KCTD16: variants seen among roughly 807,000 people sequenced by gnomAD.
The protein encoded by KCTD16 is potassium channel tetramerization domain containing 16.
In KCTD16, 13 loss-of-function variants were observed where a neutral mutation model predicts 33.2. The ratio of observed to expected loss-of-function variants is 0.39; its 90% CI spans 0.25 to 0.62. KCTD16 has a LOEUF of 0.62. Among genes scored for constraint, KCTD16 ranks in the 20% least tolerant of loss-of-function variants. The pLI is 0.50. For missense variants in KCTD16, 441 were observed against 525.1 expected (o/e 0.84, Z 1.57); for synonymous variants, 197 against 195.3 (o/e 1.01, Z -0.07).
intron 3 of KCTD16, among the ~76,000 whole-genome samples, chr5:144,386,767 A>C (rs2126935211): frequency 6.6e-6 from 1 of 152,328 alleles, no homozygotes; most frequent in East Asian, 1.9e-4. Context: ...TTGGTAAAAC[A>C]AAAAAACAAA....
intron 3 of KCTD16, among the ~76,000 whole-genome samples, chr5:144,402,114 T>A (rs1421331540): frequency 2.6e-5 from 4 of 152,176 alleles, no homozygotes; most frequent in Non-Finnish European, 4.4e-5. Context: ...ATTCTGTCTT[T>A]AGAAGAACAG....
At chr5:144,230,762 T>C (rs566748285) in intron 3 of KCTD16, among the ~76,000 whole-genome samples, 137 of 152,304 alleles carry the variant, frequency 9.0e-4, no homozygotes, top group African/African-American at 3.2e-3. Flanking sequence ...TAGGAAAAAG[T>C]AGAAGAGAAA....
chr5:144,295,520 G>T (rs534643282), intron 3 of KCTD16, among the ~76,000 whole-genome samples: 1 of 152,174 alleles, frequency 6.6e-6, no homozygotes, highest in Non-Finnish European at 1.5e-5. Context: ...ACCTCTCAGA[G>T]CAGTCTGACA....
At chr5:144,413,222 C>T (rs1300820249) in intron 3 of KCTD16, among the ~76,000 whole-genome samples, 2 of 152,076 alleles carry the variant, frequency 1.3e-5, no homozygotes, top group African/African-American at 4.8e-5. Flanking sequence ...GACTGGTGCC[C>T]CTACTAAGAG....
intron 2 of KCTD16, among the ~76,000 whole-genome samples, chr5:144,181,123 C>T (rs1039354828): frequency 6.6e-6 from 1 of 151,606 alleles, no homozygotes; most frequent in Non-Finnish European, 1.5e-5. Flanking sequence ...TTAGTAGAGG[C>T]GGGGTTTCAC....
At chr5:144,417,621 A>G (rs1214832232) in intron 3 of KCTD16, among the ~76,000 whole-genome samples, 2 of 152,186 alleles carry the variant, frequency 1.3e-5, no homozygotes, top group Admixed American at 6.6e-5. Flanking sequence ...GATGAGATAC[A>G]ATTTATTTTT....
chr5:144,399,950 C>CT (rs1752666029), intron 3 of KCTD16, among the ~76,000 whole-genome samples: 1 of 152,084 alleles, frequency 6.6e-6, no homozygotes, highest in Non-Finnish European at 1.5e-5. Flanking sequence ...TCAGAATTTT[C>CT]TTTAAGTTAT....
At chr5:144,397,416 T>C (rs1334323755) in intron 3 of KCTD16, among the ~76,000 whole-genome samples, 5 of 152,186 alleles carry the variant, frequency 3.3e-5, no homozygotes, top group Non-Finnish European at 5.9e-5. Flanking sequence ...CAGCATGATT[T>C]ATAATCCTTT....
intron 3 of KCTD16, among the ~76,000 whole-genome samples, chr5:144,355,139 C>G (rs1471030960): frequency 6.6e-6 from 1 of 152,082 alleles, no homozygotes; most frequent in Non-Finnish European, 1.5e-5. Flanking sequence ...GGAAACAGAC[C>G]TACTACCGCC....
At chr5:144,183,666 T>G (rs1752670082) in intron 2 of KCTD16, among the ~76,000 whole-genome samples, 1 of 152,134 alleles carries the variant, frequency 6.6e-6, no homozygotes, top group Non-Finnish European at 1.5e-5. Flanking sequence ...AACTAGAAAT[T>G]GTATATTGCT....
intron 3 of KCTD16, among the ~76,000 whole-genome samples, chr5:144,244,670 C>G (rs1346925206): frequency 1.3e-5 from 2 of 152,156 alleles, no homozygotes; most frequent in Admixed American, 6.5e-5. Context: ...GGAGAGATCT[C>G]TATTTTTAGA....
chr5:144,465,053 A>G (rs114143530), intron 3 of KCTD16, among the ~76,000 whole-genome samples: 210 of 152,258 alleles, frequency 1.4e-3, no homozygotes, highest in African/African-American at 4.9e-3. Flanking sequence ...GGTAGAGATT[A>G]AGCATTGTAA....
rs868389429 is a variant in KCTD16 at position 144,330,360 on chromosome 5, C to T, written c.832+122814C>T. 2.0e-5 allele frequency among the ~76,000 whole-genome samples: 3 copies of T among 147,812 alleles called. No homozygotes were observed. In the South Asian group the frequency reaches 6.4e-4, roughly 32 times the overall value. On this transcript the variant is annotated intron_variant, in intron 3 of 3. Transcript: ENST00000512467. ...CCTGGGAGGCAGAGGTTGCGGTGAG[C>T]CGAGAACATACCACTGCACTCCAGC...
chr5:144,226,123 T>C (rs1378102822), intron 3 of KCTD16, among the ~76,000 whole-genome samples: 6 of 152,236 alleles, frequency 3.9e-5, no homozygotes, highest in Admixed American at 3.3e-4. Flanking sequence ...GAACTATAGA[T>C]GCCTCTGATT....
In KCTD16 at chr5:144,174,488, T is replaced by C. The variant is rs1275416115; in HGVS notation, c.-327+16T>C. On this transcript the variant is annotated intron_variant, in intron 2 of 3. Coordinates refer to ENST00000512467, the MANE Select transcript of KCTD16 (RefSeq NM_020768.4). ...AAAAACCAATGTAAGTGCCAGTGTT[T>C]GTTTTTACTCTCCCTATATATTAAC... is the stretch of plus-strand genomic sequence containing the variant. 1 of 152,226 alleles carries C rather than the reference T, an allele frequency of 6.6e-6. No homozygotes were observed. Among genetic ancestry groups the C allele is most frequent in the Non-Finnish European group, 1.5e-5 (1 of 68,038 alleles). 9.4% of individuals were successfully genotyped at this position (152,226 alleles called of 1,614,324 possible).
intron 3 of KCTD16, among the ~76,000 whole-genome samples, chr5:144,221,271 T>G (rs1253538900): frequency 6.6e-6 from 1 of 151,782 alleles, no homozygotes; most frequent in Non-Finnish European, 1.5e-5. Context: ...TCTGCTTTAG[T>G]ATTATTATTA....
intron 3 of KCTD16, among the ~76,000 whole-genome samples, chr5:144,235,738 T>C (rs1754233257): frequency 6.6e-6 from 1 of 152,082 alleles, no homozygotes; most frequent in African/African-American, 2.4e-5. Context: ...GTTCTCTATA[T>C]CTTGTCAAAC....
intron 3 of KCTD16, among the ~76,000 whole-genome samples, chr5:144,401,115 G>T (rs1752693274): frequency 6.6e-6 from 1 of 152,168 alleles, no homozygotes; most frequent in African/African-American, 2.4e-5. Context: ...GAGGCAAACT[G>T]CCTTGAACAG....
intron 3 of KCTD16, among the ~76,000 whole-genome samples, chr5:144,230,300 C>T (rs546981882): frequency 1.3e-5 from 2 of 152,226 alleles, no homozygotes; most frequent in African/African-American, 2.4e-5. Flanking sequence ...TATTTGAATG[C>T]TTTATTGTAT....
Sources: gnomAD v4.1 joint callset for allele counts (sites outside exome capture counted in the v4.1 genomes callset) on GRCh38, gnomAD v4.1.1 for gene constraint, MANE v1.5 for transcripts, NCBI Gene and HGNC (gene_info 2026-07-23, HGNC 2026-07-21) for gene names.